Variants in NRG1 observed in about 807,000 individuals in gnomAD.
NRG1 encodes the protein pro-neuregulin-1, membrane-bound isoform.
Under a neutral mutation model 63.8 loss-of-function variants are expected in NRG1, and 18 were observed. The ratio of observed to expected loss-of-function variants is 0.28; its 90% CI spans 0.19 to 0.42. NRG1 has a LOEUF of 0.42. Ranked by LOEUF, NRG1 falls within the 10% of genes least tolerant of loss-of-function variation. The probability of loss-of-function intolerance (pLI) is 1.00; values close to 1 mark genes in which losing one functional copy is unlikely to be tolerated. For synonymous variants in NRG1, 302 were observed against 301.3 expected, an observed-to-expected ratio of 1.00 and a Z score of -0.02; for missense variants, 762 against 814.7, an observed-to-expected ratio of 0.94 and a Z score of 0.79.
exon 1 of NRG1, chr8:31,639,404 G>A: frequency 6.5e-7 from 1 of 1,534,892 alleles, no homozygotes; most frequent in Non-Finnish European, 8.7e-7. Flanking sequence ...CATGGGGAAA[G>A]GACGCGCGGG....
At chr8:32,684,432 A>G (rs1403633634) in intron 5 of NRG1, among the ~76,000 whole-genome samples, 1 of 152,140 alleles carries the variant, frequency 6.6e-6, no homozygotes, top group African/African-American at 2.4e-5. Flanking sequence ...GGTAGGGAAA[A>G]AAGTGATTTT....
At chr8:32,508,269 A>T (rs927644578) in intron 1 of NRG1, among the ~76,000 whole-genome samples, 4 of 144,250 alleles carry the variant, frequency 2.8e-5, no homozygotes, top group Non-Finnish European at 6.2e-5. Context: ...GTTCTGCTGT[A>T]AACATAAGTC....
At chr8:32,472,448 G>A (rs1263297715) in intron 1 of NRG1, among the ~76,000 whole-genome samples, 1 of 152,228 alleles carries the variant, frequency 6.6e-6, no homozygotes, top group East Asian at 1.9e-4. Context: ...GGGATTACAG[G>A]TGTGAGCCAC....
chr8:32,485,163 G>A (rs1825759452), intron 1 of NRG1, among the ~76,000 whole-genome samples: 1 of 143,092 alleles, frequency 7.0e-6, no homozygotes, highest in Admixed American at 7.2e-5. Flanking sequence ...TGCCTAGGCT[G>A]GAGTGTAATG....
At chr8:31,794,103 C>G (rs1456733422) in intron 1 of NRG1, among the ~76,000 whole-genome samples, 4 of 152,116 alleles carry the variant, frequency 2.6e-5, no homozygotes, top group Non-Finnish European at 5.9e-5. Flanking sequence ...TAAATAGAAT[C>G]TTCAGTGATT....
intron 7 of NRG1, chr8:32,749,075 C>T (rs757621573): frequency 2.6e-4 from 43 of 163,472 alleles, no homozygotes; most frequent in Non-Finnish European, 3.6e-4. Flanking sequence ...ACCAAATTAC[C>T]ATCCTCTTGG....
chr8:32,411,621 A>C (rs562217872), intron 1 of NRG1, among the ~76,000 whole-genome samples: 1 of 152,326 alleles, frequency 6.6e-6, no homozygotes, highest in Admixed American at 6.5e-5. Context: ...GGGGCTTACT[A>C]TATGCTAAGC....
At chr8:31,969,917 T>C (rs2129628511) in intron 1 of NRG1, among the ~76,000 whole-genome samples, 1 of 152,216 alleles carries the variant, frequency 6.6e-6, no homozygotes, top group East Asian at 1.9e-4. Context: ...CATTTTAGAG[T>C]TGTGAAACTG....
chr8:31,957,921 T>A (rs1039253188), intron 1 of NRG1, among the ~76,000 whole-genome samples: 1 of 152,220 alleles, frequency 6.6e-6, no homozygotes, highest in Non-Finnish European at 1.5e-5. Context: ...ACTACCTACC[T>A]CACAGAGGAC....
chr8:31,947,454 T>C (rs2129622164), intron 1 of NRG1, among the ~76,000 whole-genome samples: 1 of 152,310 alleles, frequency 6.6e-6, no homozygotes, highest in South Asian at 2.1e-4. Context: ...TATTTATTAC[T>C]GAATCTAGAA....
intron 1 of NRG1, among the ~76,000 whole-genome samples, chr8:31,919,832 G>C (rs184574898): frequency 6.6e-6 from 1 of 152,188 alleles, no homozygotes; most frequent in East Asian, 1.9e-4. Context: ...TACAAGGTGG[G>C]TCCGGGTCAT....
chr8:32,724,048 A>G (rs1318492644), intron 5 of NRG1, among the ~76,000 whole-genome samples: 1 of 152,214 alleles, frequency 6.6e-6, no homozygotes, highest in Non-Finnish European at 1.5e-5. Flanking sequence ...CCAAAACCGT[A>G]ATTACTTTTG....
chr8:31,897,737 G>A (rs763074194), intron 1 of NRG1, among the ~76,000 whole-genome samples: 4 of 152,020 alleles, frequency 2.6e-5, no homozygotes, highest in East Asian at 1.9e-4. Context: ...GAAGCTGTCC[G>A]GGCATAGTGG....
chr8:31,742,210 T>A (rs1024017580), intron 1 of NRG1, among the ~76,000 whole-genome samples: 1 of 151,820 alleles, frequency 6.6e-6, no homozygotes, highest in Non-Finnish European at 1.5e-5. Flanking sequence ...TTTAGGAGAA[T>A]GATTAAAAGA....
intron 7 of NRG1, among the ~76,000 whole-genome samples, chr8:32,747,738 A>G (rs1033278647): frequency 2.0e-5 from 3 of 147,130 alleles, no homozygotes; most frequent in Non-Finnish European, 3.0e-5. Flanking sequence ...GTGTGTATAT[A>G]TATATATATA....
intron 1 of NRG1, among the ~76,000 whole-genome samples, chr8:31,900,741 C>A (rs918441970): frequency 2.0e-5 from 3 of 152,208 alleles, no homozygotes; most frequent in Non-Finnish European, 4.4e-5. Context: ...TTTTCCCCGT[C>A]TCAAGCAAGC....
At chr8:32,746,870 T>C (rs1338725487) in intron 7 of NRG1, among the ~76,000 whole-genome samples, 1 of 130,680 alleles carries the variant, frequency 7.7e-6, no homozygotes, top group Non-Finnish European at 1.6e-5. Context: ...TATTCTGCTT[T>C]TTTTTTTTTT....
intron 5 of NRG1, among the ~76,000 whole-genome samples, chr8:32,680,144 T>C (rs1439217367): frequency 6.6e-6 from 1 of 152,188 alleles, no homozygotes; most frequent in Non-Finnish European, 1.5e-5. Context: ...AAAAGATGAT[T>C]GTTAATGTGT....
intron 5 of NRG1, among the ~76,000 whole-genome samples, chr8:32,713,227 C>G (rs1051820479): frequency 1.3e-5 from 2 of 152,152 alleles, no homozygotes; most frequent in South Asian, 4.1e-4. Flanking sequence ...GAAACTCCAG[C>G]TTCCCATCAG....
Sources: allele counts gnomAD v4.1 joint callset (sites outside exome capture counted in the v4.1 genomes callset), GRCh38; gene constraint gnomAD v4.1.1; transcripts MANE v1.5; gene names NCBI Gene and HGNC (gene_info 2026-07-23, HGNC 2026-07-21).